Variants in MCC observed in about 807,000 individuals in gnomAD.
MCC encodes colorectal mutant cancer protein.
In MCC, 90 loss-of-function variants were observed where a neutral mutation model predicts 116.2. The observed-to-expected ratio is 0.77, with a 90% CI of 0.65 to 0.92. The LOEUF (loss-of-function observed/expected upper bound fraction) is 0.92, where lower values mean the gene tolerates loss of function less well. Ranked by LOEUF, MCC falls within the 40% of genes least tolerant of loss-of-function variation. The pLI, the probability that MCC is intolerant of heterozygous loss-of-function variation, is 0.00. For synonymous variants in MCC, 578 were observed against 510.5 expected (o/e 1.13, Z -1.78); for missense variants, 1,516 against 1,312.2 (o/e 1.16, Z -2.40).
At chr5:113,095,200 G>C (rs1755930799) in intron 8 of MCC, among the ~76,000 whole-genome samples, 1 of 152,166 alleles carries the variant, frequency 6.6e-6, no homozygotes, top group East Asian at 1.9e-4. Flanking sequence ...TGGTCTGCAT[G>C]GGAGTGGGGC....
At chr5:113,157,508 CATGCACCTCATGCTGCTG>C (rs1760236739) in intron 3 of MCC, among the ~76,000 whole-genome samples, 1 of 152,214 alleles carries the variant, frequency 6.6e-6, no homozygotes, top group South Asian at 2.1e-4. Flanking sequence ...TATCTAGATA[CATGCACCTCATGCTGCTG>C]AGGCACCTCA....
At chr5:113,138,869 T>C (rs928440177) in intron 5 of MCC, among the ~76,000 whole-genome samples, 1 of 152,202 alleles carries the variant, frequency 6.6e-6, no homozygotes, top group Non-Finnish European at 1.5e-5. Context: ...ACTTGTGGCA[T>C]GATTGATACA....
rs540556427 is a variant in MCC at position 113,488,382 on chromosome 5, C to T, written c.33G>A (p.Gly11=). The change falls in exon 1 of 19, where the codon GGG becomes GGA. Residue 11 remains glycine, a synonymous_variant. Transcript: ENST00000408903. MMAAAAAAAA[G]SSSSGGGGGG... is the part of the protein sequence containing the mutation. ...CGCCGCCGCCGCCGCTGCTGGAGCT[C>T]CCCGCAGCCGCTGCCGCCGCGGCCG... The T allele has an allele frequency of 9.0e-6, 13 of 1,442,766 alleles. No individual in the cohort carries two copies. In the South Asian group the frequency reaches 2.0e-4, roughly 22 times the overall value. 89.4% of individuals were successfully genotyped at this position (1,442,766 alleles called of 1,614,324 possible).
At chr5:113,086,694 T>A (rs576619824) in intron 8 of MCC, among the ~76,000 whole-genome samples, 2 of 152,304 alleles carry the variant, frequency 1.3e-5, no homozygotes, top group East Asian at 3.9e-4. Flanking sequence ...TGGTCGCAGT[T>A]TCAGCATGAG....
At chr5:113,067,980 G>C (rs757160633) in intron 13 of MCC, 100 bp downstream of exon 13, 1 of 1,002,334 alleles carries the variant, frequency 1.0e-6, no homozygotes, top group Non-Finnish European at 1.6e-6. Context: ...ACCAAATTTT[G>C]TGTTGTCGGG....
intron 1 of MCC, among the ~76,000 whole-genome samples, chr5:113,432,320 CAAAAAA>C (rs66577040): frequency 1.0e-4 from 7 of 68,618 alleles, no homozygotes; most frequent in Admixed American, 2.0e-4. Context: ...GACTCTGTCT[CAAAAAA>C]AAAAAAAAAA....
chr5:113,380,813 C>G (rs1428103048), intron 2 of MCC, among the ~76,000 whole-genome samples: 1 of 152,146 alleles, frequency 6.6e-6, no homozygotes, highest in Non-Finnish European at 1.5e-5. Context: ...CTAGTAAAGG[C>G]TCAGAGACAG....
At chr5:113,120,094 G>A (rs1195673168) in intron 6 of MCC, among the ~76,000 whole-genome samples, 1 of 152,170 alleles carries the variant, frequency 6.6e-6, no homozygotes, top group Admixed American at 6.5e-5. Flanking sequence ...GTGAATGGCG[G>A]GATCAGTATA....
intron 3 of MCC, among the ~76,000 whole-genome samples, chr5:113,285,506 C>A (rs930823599): frequency 3.9e-5 from 6 of 152,154 alleles, no homozygotes; most frequent in African/African-American, 1.4e-4. Context: ...CTTCCACTCT[C>A]CCCCTGCTCA....
Position 113,404,354 on chromosome 5 carries a change from A to G in MCC, c.171-19142T>C, listed in dbSNP as rs377007905. 3.2e-4 allele frequency among the ~76,000 whole-genome samples: 48 copies of G among 152,352 alleles called. 4 individuals carry two copies. The highest frequency in any genetic ancestry group is 8.5e-4 in the Admixed American group (13 of 15,306). ...TGTTTTCTTAAAAGCAATGCCCTCA[A>G]ATGGCTGTAAAAGAATACAGTGGCC... is the stretch of plus-strand genomic sequence containing the variant. On this transcript the variant is annotated intron_variant, in intron 1 of 18. Transcript: ENST00000408903.
At chr5:113,400,331 C>T (rs1477844449) in intron 1 of MCC, among the ~76,000 whole-genome samples, 1 of 151,996 alleles carries the variant, frequency 6.6e-6, no homozygotes, top group Admixed American at 6.6e-5. Context: ...CCATAATGGC[C>T]AGGCTGGTCT....
rs61371264 is a variant in MCC, at chr5:113,305,009, C to CA, written c.627+35509dup. ...TGTTACGGCAGCTACCCAAAAGGGG[C>CA]AAAAAAAAAAATGAGTATGATATGA... On this transcript the variant is annotated intron_variant, in intron 3 of 18. Coordinates refer to ENST00000408903, the MANE Select transcript of MCC (RefSeq NM_001085377.2). Among the ~76,000 whole-genome samples, 421 of 137,288 alleles carry CA rather than the reference C, an allele frequency of 3.1e-3. 2 individuals carry two copies. Among genetic ancestry groups the CA allele is most frequent in the Middle Eastern group, 7.1e-3 (2 of 282 alleles). 90.1% of individuals were successfully genotyped at this position (137,288 alleles called of 152,430 possible). A position where few individuals can be genotyped will look rare whatever the true frequency, so the allele number is the denominator to read the frequency against.
At chr5:113,376,730 C>G (rs533782765) in intron 2 of MCC, among the ~76,000 whole-genome samples, 2 of 152,254 alleles carry the variant, frequency 1.3e-5, no homozygotes, top group South Asian at 4.1e-4. Flanking sequence ...CACTCATTCG[C>G]CTTTCTGGTA....
chr5:113,045,498 A>C (rs1024947129), intron 16 of MCC, among the ~76,000 whole-genome samples: 1 of 152,168 alleles, frequency 6.6e-6, no homozygotes, highest in Admixed American at 6.5e-5. Flanking sequence ...GTCAGCATCC[A>C]TACATAAAGT....
At chr5:113,163,911 T>A (rs941913438) in intron 3 of MCC, among the ~76,000 whole-genome samples, 8 of 152,288 alleles carry the variant, frequency 5.3e-5, no homozygotes, top group South Asian at 2.1e-4. Context: ...GTTAACAACA[T>A]CCCCAGGTAA....
intron 3 of MCC, among the ~76,000 whole-genome samples, chr5:113,246,229 T>C (rs1433988228): frequency 6.6e-6 from 1 of 152,216 alleles, no homozygotes; most frequent in East Asian, 1.9e-4. Flanking sequence ...TAAAACATGT[T>C]TCCACTTGCT....
intron 5 of MCC, among the ~76,000 whole-genome samples, chr5:113,125,065 G>A (rs1477842777): frequency 1.3e-5 from 2 of 152,248 alleles, no homozygotes; most frequent in African/African-American, 4.8e-5. Context: ...GGTTCACTAT[G>A]ACTGAAACCA....
rs191540952 is a variant in MCC, at chr5:113,462,578, C to T, written c.170+25667G>A. The stretch of plus-strand genomic sequence containing the variant: ...GACAGAGGGCAGTTATATCAGATTC[C>T]GACAATGTGAGAAAAACCCCAACAG... On this transcript the variant is annotated intron_variant, in intron 1 of 18. Coordinates refer to ENST00000408903, the MANE Select transcript of MCC (RefSeq NM_001085377.2). 9.2e-5 allele frequency among the ~76,000 whole-genome samples: 14 copies of T among 152,136 alleles called. No homozygotes were observed. The East Asian group carries it at 1.5e-3, about 17-fold the overall frequency.
chr5:113,385,915 C>T (rs1007658847), intron 1 of MCC, among the ~76,000 whole-genome samples: 1 of 151,960 alleles, frequency 6.6e-6, no homozygotes, highest in Non-Finnish European at 1.5e-5. Context: ...GGGTCTGTGG[C>T]TGGACTAGAG....
Sources: gnomAD v4.1 joint callset for allele counts (sites outside exome capture counted in the v4.1 genomes callset) on GRCh38, gnomAD v4.1.1 for gene constraint, MANE v1.5 for transcripts, NCBI Gene and HGNC (gene_info 2026-07-23, HGNC 2026-07-21) for gene names.